Variants in LCK observed in about 807,000 individuals in gnomAD.
LCK encodes tyrosine-protein kinase Lck.
A neutral mutation model predicts 64.6 loss-of-function variants in LCK; 14 were observed. The ratio of observed to expected loss-of-function variants is 0.22; its 90% CI spans 0.14 to 0.34. The LOEUF is 0.34. Ranked by LOEUF, LCK falls within the 10% of genes least tolerant of loss-of-function variation. The pLI is 1.00. For synonymous variants in LCK, 277 were observed against 263.6 expected, an observed-to-expected ratio of 1.05 and a Z score of -0.49; for missense variants, 434 against 668.1, an observed-to-expected ratio of 0.65 and a Z score of 3.86.
chr1:32,275,285 C>G lies in LCK; in HGVS notation c.279-36C>G, dbSNP rs770884558. On this transcript the variant is annotated intron_variant, in intron 4 of 12. Coordinates refer to ENST00000336890, the MANE Select transcript of LCK (RefSeq NM_005356.5). This position sits in a 1 kb window ranked among gnomAD's most constrained non-coding sequence, Gnocchi z 6.9. ...TTGAGGGAGGGTCTCAGGTCGACGG[C>G]TGAGCGAGCCACACTGACCCACCTC... The G allele has an allele frequency of 1.2e-6, 2 of 1,606,264 alleles. No individual in the cohort carries two copies. The highest frequency in any genetic ancestry group is 2.7e-5 in the African/African-American group (2 of 74,792).
At chr1:32,256,279 A>T (rs1639631047) in intron 1 of LCK, among the ~76,000 whole-genome samples, 1 of 151,860 alleles carries the variant, frequency 6.6e-6, no homozygotes, top group Non-Finnish European at 1.5e-5. Context: ...CTGGGACTAT[A>T]GGCACATGCC....
Position 32,276,110 on chromosome 1 carries a change from C to T in LCK, c.631+47C>T. The T allele has an allele frequency of 6.3e-7, 1 of 1,595,408 alleles. No individual in the cohort carries two copies. On this transcript the variant is annotated intron_variant, in intron 7 of 12. Coordinates refer to ENST00000336890, the MANE Select transcript of LCK (RefSeq NM_005356.5). This position sits in a 1 kb window ranked among gnomAD's most constrained non-coding sequence, Gnocchi z 4.6. ...CCCCGTGCCCTATCAGCCTATCTCCCCTCAGTCCCCCTCAGGTGTCCCCCA... is the reference window on the plus strand; with the variant it reads ...CCCCGTGCCCTATCAGCCTATCTCCTCTCAGTCCCCCTCAGGTGTCCCCCA...
intron 1 of LCK, among the ~76,000 whole-genome samples, chr1:32,260,207 T>C (rs1220298693): frequency 6.6e-6 from 1 of 152,138 alleles, no homozygotes; most frequent in Non-Finnish European, 1.5e-5. Flanking sequence ...GAGATGAGGT[T>C]TCGCCATGTT....
At chr1:32,255,948 G>A (rs2124303543) in intron 1 of LCK, among the ~76,000 whole-genome samples, 1 of 151,754 alleles carries the variant, frequency 6.6e-6, no homozygotes, top group African/African-American at 2.4e-5. Context: ...GACTACAGAT[G>A]TGTACCACCA....
At chr1:32,262,868 GAAAAAAAA>G (rs539749343) in intron 1 of LCK, among the ~76,000 whole-genome samples, 2 of 85,596 alleles carry the variant, frequency 2.3e-5, no homozygotes, top group Non-Finnish European at 2.6e-5. Flanking sequence ...GAGGAAGGGA[GAAAAAAAA>G]AAAAAAAAAA....
At chr1:32,266,218 C>G (rs1403740097) in intron 1 of LCK, among the ~76,000 whole-genome samples, 1 of 152,054 alleles carries the variant, frequency 6.6e-6, no homozygotes, top group Non-Finnish European at 1.5e-5. Context: ...CCTGGCCGGG[C>G]ACGGTGGCTC....
Position 32,275,293 on chromosome 1 carries a change from G to A in LCK, c.279-28G>A. 6.2e-7 allele frequency: 1 copy of A among 1,611,232 alleles called. No homozygotes were observed. Among genetic ancestry groups the A allele is most frequent in the Non-Finnish European group, 8.5e-7 (1 of 1,177,408 alleles). On this transcript the variant is annotated intron_variant, in intron 4 of 12. Transcript: ENST00000336890. This position sits in a 1 kb window ranked among gnomAD's most constrained non-coding sequence, Gnocchi z 6.9. ...GGGTCTCAGGTCGACGGCTGAGCGA[G>A]CCACACTGACCCACCTCCGTGGCGC...
chr1:32,273,486 G>A (rs1227816609), intron 1 of LCK, among the ~76,000 whole-genome samples: 1 of 151,884 alleles, frequency 6.6e-6, no homozygotes, highest in Admixed American at 6.6e-5. Flanking sequence ...GGTCTGGAAT[G>A]CATGGTACAT....
chr1:32,282,494 T>C (rs952458698), intron 12 of LCK, among the ~76,000 whole-genome samples: 1 of 152,156 alleles, frequency 6.6e-6, no homozygotes, highest in Non-Finnish European at 1.5e-5. Context: ...TTATTGGCGA[T>C]TGATTCAAAT....
intron 9 of LCK, among the ~76,000 whole-genome samples, chr1:32,279,393 A>G (rs1640380948): frequency 6.6e-6 from 1 of 152,154 alleles, no homozygotes; most frequent in African/African-American, 2.4e-5. Flanking sequence ...AGTGTGGACC[A>G]TGCCAAGCTT....
In LCK at chr1:32,253,447, C is replaced by T. The variant is rs34195184; in HGVS notation, c.-6+2076C>T. On this transcript the variant is annotated intron_variant, in intron 1 of 12. Coordinates refer to ENST00000336890, the MANE Select transcript of LCK (RefSeq NM_005356.5). ...TTAACAGGCGCGCCACCATGCCCAG[C>T]TAATTTTTGCATTTTTAGTAGAGAT... Among the ~76,000 whole-genome samples, 821 of 152,228 alleles carry T rather than the reference C, an allele frequency of 5.4e-3. 6 individuals are homozygous for T. The highest frequency in any genetic ancestry group is 0.019 in the African/African-American group (789 of 41,556).
chr1:32,283,963 C>T (rs1308505366), intron 12 of LCK, among the ~76,000 whole-genome samples: 1 of 152,050 alleles, frequency 6.6e-6, no homozygotes, highest in Non-Finnish European at 1.5e-5. Context: ...TCACTGCAAC[C>T]TCTACCTCCT....
intron 12 of LCK, 93 bp from the exon 13 acceptor site, chr1:32,285,421 C>T: frequency 6.3e-6 from 7 of 1,117,930 alleles, no homozygotes; most frequent in East Asian, 2.4e-5. Flanking sequence ...TGGATTGGTG[C>T]TCACACTGTG....
At chr1:32,262,544 T>A (rs940959613) in intron 1 of LCK, among the ~76,000 whole-genome samples, 4 of 151,246 alleles carry the variant, frequency 2.6e-5, no homozygotes, top group African/African-American at 9.7e-5. Context: ...TGCCTCAGCC[T>A]CCTGAGTAGC....
intron 9 of LCK, among the ~76,000 whole-genome samples, chr1:32,278,350 CT>C (rs879932791): frequency 1.1e-3 from 167 of 146,108 alleles, no homozygotes; most frequent in East Asian, 1.8e-3. Flanking sequence ...TCATGTGTAT[CT>C]TTTTTTTTTT....
Position 32,266,316 on chromosome 1 carries a change from C to A in LCK, c.-5-8009C>A, listed in dbSNP as rs533446422. ...GACCATCCTGGCTAACATGGTGAAA[C>A]CCCGTCTCTACTAAAAATACAAAAA... On this transcript the variant is annotated intron_variant, in intron 1 of 12. Transcript: ENST00000336890. Among the ~76,000 whole-genome samples the A allele has an allele frequency of 2.0e-3, 307 of 151,464 alleles. 2 individuals are homozygous for A. Among genetic ancestry groups the A allele is most frequent in the Admixed American group, 8.0e-3 (121 of 15,166 alleles).
chr1:32,276,927 C>G lies in LCK; in HGVS notation c.964+141C>G, dbSNP rs1379787091. 1 of 896,460 alleles carries G rather than the reference C, an allele frequency of 1.1e-6. No homozygotes were observed. Among genetic ancestry groups the G allele is most frequent in the Non-Finnish European group, 1.6e-6 (1 of 628,930 alleles). 55.5% of individuals were successfully genotyped at this position (896,460 alleles called of 1,614,324 possible). A position where few individuals can be genotyped will look rare whatever the true frequency, so the allele number is the denominator to read the frequency against. Reference sequence around the variant, plus strand: ...GCTTTCCTGCCCCCTGGAGACTCACCTCCAGCCGGGCGCGGTGGCTCAGGC... The same window carrying G: ...GCTTTCCTGCCCCCTGGAGACTCACGTCCAGCCGGGCGCGGTGGCTCAGGC... On this transcript the variant is annotated intron_variant, in intron 9 of 12. Transcript: ENST00000336890. This position sits in a 1 kb window ranked among gnomAD's most constrained non-coding sequence, Gnocchi z 4.6.
In LCK at chr1:32,251,787, G is replaced by T. The variant is rs569124574; in HGVS notation, c.-6+416G>T. ...GGCAGGGCTGAGAGTGATGGCTGAGGCTGTGGCCACCCCGCCTGGAGCAGG... is the reference window on the plus strand; with the variant it reads ...GGCAGGGCTGAGAGTGATGGCTGAGTCTGTGGCCACCCCGCCTGGAGCAGG... On this transcript the variant is annotated intron_variant, in intron 1 of 12. Transcript: ENST00000336890. The surrounding 1 kb of genome is among the most constrained non-coding windows in gnomAD (Gnocchi z 4.0). 6.6e-5 allele frequency among the ~76,000 whole-genome samples: 10 copies of T among 152,236 alleles called. No homozygotes were observed. The highest frequency in any genetic ancestry group is 2.4e-4 in the African/African-American group (10 of 41,552).
chr1:32,253,850 G>GAC (rs72025731), intron 1 of LCK, among the ~76,000 whole-genome samples: 3,956 of 148,634 alleles, frequency 0.027, 135 homozygotes, highest in African/African-American at 0.085. Flanking sequence ...GCCACACACA[G>GAC]ACACACACAC....
Sources: allele counts gnomAD v4.1 joint callset (sites outside exome capture counted in the v4.1 genomes callset), GRCh38; gene constraint gnomAD v4.1.1; non-coding constraint Gnocchi (gnomAD v3.1); transcripts MANE v1.5; gene names NCBI Gene and HGNC (gene_info 2026-07-23, HGNC 2026-07-21).